Variants in CNTNAP5 observed in about 807,000 individuals in gnomAD.
The protein encoded by CNTNAP5 is contactin associated protein family member 5.
Under a neutral mutation model 150.2 loss-of-function variants are expected in CNTNAP5, and 72 were observed. The ratio of observed to expected loss-of-function variants is 0.48; its 90% confidence interval spans 0.40 to 0.58. The LOEUF (loss-of-function observed/expected upper bound fraction) is 0.58, where lower values mean the gene tolerates loss of function less well. Among genes scored for constraint, CNTNAP5 ranks in the 20% least tolerant of loss-of-function variants. CNTNAP5 has a pLI of 0.00. For missense variants in CNTNAP5, 1,636 were observed against 1,626.2 expected, an observed-to-expected ratio of 1.01 and a Z score of -0.10; for synonymous variants, 672 against 619.8, an observed-to-expected ratio of 1.08 and a Z score of -1.25.
chr2:124,183,319 A>G (rs555125185), intron 1 of CNTNAP5, among the ~76,000 whole-genome samples: 1 of 152,290 alleles, frequency 6.6e-6, no homozygotes, highest in South Asian at 2.1e-4. Flanking sequence ...TCCAGAAGGG[A>G]ATGTTCTCTA....
chr2:124,183,561 G>A (rs923877952), intron 1 of CNTNAP5, among the ~76,000 whole-genome samples: 4 of 152,144 alleles, frequency 2.6e-5, no homozygotes, highest in African/African-American at 7.2e-5. Flanking sequence ...GTCAGACCTG[G>A]CATTAATCAA....
At chr2:124,792,775 A>G (rs978598497) in intron 18 of CNTNAP5, among the ~76,000 whole-genome samples, 1 of 152,226 alleles carries the variant, frequency 6.6e-6, no homozygotes, top group Admixed American at 6.5e-5. Flanking sequence ...ATAGAACCAT[A>G]TAGTATGTGA....
rs1687807649 is a variant in CNTNAP5 at position 124,273,473 on chromosome 2, C to G, written c.381+31080C>G. On this transcript the variant is annotated intron_variant, in intron 3 of 23. Coordinates refer to ENST00000682447, the MANE Select transcript of CNTNAP5 (RefSeq NM_001367498.1). ...AGCTGACTTAATGAGTTTTTCTCAGCTGCTGTCATTGTTTCCTTCTCCATC... is the reference window on the plus strand; with the variant it reads ...AGCTGACTTAATGAGTTTTTCTCAGGTGCTGTCATTGTTTCCTTCTCCATC... Among the ~76,000 whole-genome samples, 3 of 152,122 alleles carry G rather than the reference C, an allele frequency of 2.0e-5. No homozygotes were observed. In the South Asian group the frequency reaches 6.2e-4, roughly 31 times the overall value.
intron 19 of CNTNAP5, among the ~76,000 whole-genome samples, chr2:124,827,400 A>C (rs1264099182): frequency 6.6e-6 from 1 of 152,118 alleles, no homozygotes; most frequent in African/African-American, 2.4e-5. Context: ...GTCCTCTCTG[A>C]GCAGCCAAGT....
At chr2:124,403,561 A>T (rs1368170193) in intron 3 of CNTNAP5, among the ~76,000 whole-genome samples, 1 of 152,222 alleles carries the variant, frequency 6.6e-6, no homozygotes, top group Non-Finnish European at 1.5e-5. Context: ...AAAAGTACAC[A>T]TATTTGGCTT....
At chr2:124,433,831 G>T (rs1384879037) in intron 4 of CNTNAP5, among the ~76,000 whole-genome samples, 1 of 152,124 alleles carries the variant, frequency 6.6e-6, no homozygotes, top group African/African-American at 2.4e-5. Context: ...ATGGTTACTT[G>T]ACCTTCACCT....
intron 13 of CNTNAP5, among the ~76,000 whole-genome samples, chr2:124,736,912 GC>G (rs1385952757): frequency 2.0e-5 from 3 of 152,078 alleles, no homozygotes; most frequent in Admixed American, 6.6e-5. Flanking sequence ...GCCATAAAAT[GC>G]CCTTTTCCTA....
At chr2:124,526,666 A>G (rs964535045) in intron 9 of CNTNAP5, among the ~76,000 whole-genome samples, 1 of 152,204 alleles carries the variant, frequency 6.6e-6, no homozygotes, top group Non-Finnish European at 1.5e-5. Flanking sequence ...AACCTTTCCC[A>G]TATGCTATTA....
At chr2:124,434,376 A>T in intron 4 of CNTNAP5, 108 bp from the exon 5 acceptor site, 1 of 851,156 alleles carries the variant, frequency 1.2e-6, no homozygotes, top group Non-Finnish European at 2.0e-6. Context: ...GACCTGGCAG[A>T]TCTCAAGAAC....
chr2:124,762,736 G>A (rs1312924969), intron 14 of CNTNAP5, among the ~76,000 whole-genome samples: 2 of 152,046 alleles, frequency 1.3e-5, no homozygotes, highest in Non-Finnish European at 2.9e-5. Flanking sequence ...TAAAGACCTG[G>A]GGTAGATACT....
intron 6 of CNTNAP5, among the ~76,000 whole-genome samples, chr2:124,448,649 G>GT (rs1253347174): frequency 6.6e-6 from 1 of 152,076 alleles, no homozygotes; most frequent in Non-Finnish European, 1.5e-5. Flanking sequence ...CTTGAGGCCT[G>GT]TTTTTTTATG....
intron 1 of CNTNAP5, among the ~76,000 whole-genome samples, chr2:124,206,338 G>C (rs1685861218): frequency 6.6e-6 from 1 of 152,172 alleles, no homozygotes; most frequent in African/African-American, 2.4e-5. Context: ...TTGGTATATG[G>C]TATTATAATG....
intron 2 of CNTNAP5, among the ~76,000 whole-genome samples, chr2:124,241,448 G>A (rs1322130198): frequency 6.6e-6 from 1 of 152,036 alleles, no homozygotes; most frequent in Non-Finnish European, 1.5e-5. Context: ...GGATATGGCT[G>A]CACTTGCCTC....
intron 22 of CNTNAP5, among the ~76,000 whole-genome samples, chr2:124,911,102 A>C (rs1678644363): frequency 6.6e-6 from 1 of 151,656 alleles, no homozygotes; most frequent in Non-Finnish European, 1.5e-5. Flanking sequence ...TTTGCATCTG[A>C]AGAAAACTCT....
At chr2:124,551,938 T>A (rs1695638327) in intron 10 of CNTNAP5, among the ~76,000 whole-genome samples, 1 of 152,188 alleles carries the variant, frequency 6.6e-6, no homozygotes, top group Non-Finnish European at 1.5e-5. Context: ...GGTTGAAGAT[T>A]TTTTTAAGAG....
At chr2:124,155,504 G>A (rs1210058694) in intron 1 of CNTNAP5, among the ~76,000 whole-genome samples, 6 of 151,908 alleles carry the variant, frequency 3.9e-5, no homozygotes, top group South Asian at 4.2e-4. Context: ...ATGAGTGATC[G>A]GCTGACTTAA....
At chr2:124,412,879 T>C (rs1268453208) in intron 3 of CNTNAP5, among the ~76,000 whole-genome samples, 1 of 103,070 alleles carries the variant, frequency 9.7e-6, no homozygotes, top group Non-Finnish European at 1.9e-5. Context: ...AATTGACAAA[T>C]GGGATCTAAT....
intron 21 of CNTNAP5, among the ~76,000 whole-genome samples, chr2:124,899,365 C>T (rs1353185583): frequency 2.0e-5 from 3 of 151,364 alleles, no homozygotes. Context: ...ACCTAATTTC[C>T]AACCTGTACC....
intron 21 of CNTNAP5, among the ~76,000 whole-genome samples, chr2:124,881,976 C>G (rs1323044183): frequency 6.6e-6 from 1 of 152,006 alleles, no homozygotes; most frequent in Non-Finnish European, 1.5e-5. Flanking sequence ...AGGATCCCTA[C>G]TAGTGTGACC....
Sources: gnomAD v4.1 joint callset for allele counts (sites outside exome capture counted in the v4.1 genomes callset) on GRCh38, gnomAD v4.1.1 for gene constraint, MANE v1.5 for transcripts, NCBI Gene and HGNC (gene_info 2026-07-23, HGNC 2026-07-21) for gene names.